The following ADGRA3 variants were observed in gnomAD, a reference collection of about 807,000 sequenced individuals.
ADGRA3 encodes adhesion G protein-coupled receptor A3.
Under a neutral mutation model 119.8 loss-of-function variants are expected in ADGRA3, and 56 were observed. The observed-to-expected ratio is 0.47, with a 90% confidence interval of 0.38 to 0.58. ADGRA3 has a LOEUF of 0.58. Among genes scored for constraint, ADGRA3 ranks in the 20% least tolerant of loss-of-function variants. ADGRA3 has a pLI of 0.00. For synonymous variants in ADGRA3, 607 were observed against 623.8 expected (o/e 0.97, Z 0.40); for missense variants, 1,516 against 1,649.0 (o/e 0.92, Z 1.40).
Position 22,513,011 on chromosome 4 carries a change from T to C in ADGRA3, c.257+2517A>G, listed in dbSNP as rs534011991. On this transcript the variant is annotated intron_variant, in intron 1 of 18. Coordinates refer to ENST00000334304, the MANE Select transcript of ADGRA3 (RefSeq NM_145290.4). ...GTGGACTCTGATGCTACTATGAGAA[T>C]TCTGGTGAGCAAGTCCCTTATCTAC... is the stretch of plus-strand genomic sequence containing the variant. 2.9e-4 allele frequency among the ~76,000 whole-genome samples: 44 copies of C among 152,284 alleles called. No homozygotes were observed. In the South Asian group the frequency reaches 8.5e-3, roughly 29 times the overall value.
chr4:22,388,893 G>T lies in ADGRA3; in HGVS notation c.2778C>A (p.Phe926Leu). ...SLGAFYGPAS[F>L]ITFVNCMYFL... The stretch of plus-strand genomic sequence containing the variant: ...AGTACATGCAGTTTACAAAAGTGAT[G>T]AAGCTGGCTGGCCCATAGAAGGCTC... The change falls in exon 19 of 19, where the codon TTC (phenylalanine) becomes TTA (leucine). Residue 926 changes from phenylalanine (F) to leucine (L), a missense_variant. Transcript: ENST00000334304. The T allele has an allele frequency of 6.2e-7, 1 of 1,614,090 alleles. No homozygotes were observed. The highest frequency in any genetic ancestry group is 8.5e-7 in the Non-Finnish European group (1 of 1,180,002).
chr4:22,480,890 T>G (rs1327873995), intron 1 of ADGRA3, among the ~76,000 whole-genome samples: 1 of 152,114 alleles, frequency 6.6e-6, no homozygotes, highest in East Asian at 1.9e-4. Flanking sequence ...TATTTAAAAT[T>G]TCCACTCTTT....
chr4:22,460,845 G>C (rs1474938415), intron 3 of ADGRA3, among the ~76,000 whole-genome samples: 1 of 152,212 alleles, frequency 6.6e-6, no homozygotes, highest in East Asian at 1.9e-4. Context: ...TTCCGAAGAA[G>C]TCAGGGCATG....
At chr4:22,414,043 T>C (rs1715332483) in intron 12 of ADGRA3, 2 of 384,460 alleles carry the variant, frequency 5.2e-6, no homozygotes, top group South Asian at 1.0e-4. Flanking sequence ...AAGAGTTAAA[T>C]AAGTAAACAA....
chr4:22,397,093 G>C (rs1714386835), intron 16 of ADGRA3, among the ~76,000 whole-genome samples: 1 of 151,072 alleles, frequency 6.6e-6, no homozygotes, highest in Non-Finnish European at 1.5e-5. Context: ...CATTCACCCA[G>C]TAAACATTTG....
chr4:22,399,836 A>G (rs1714538202), intron 16 of ADGRA3, among the ~76,000 whole-genome samples: 1 of 152,140 alleles, frequency 6.6e-6, no homozygotes, highest in African/African-American at 2.4e-5. Context: ...TTTAAAAATC[A>G]TCTTATTGAG....
intron 10 of ADGRA3, among the ~76,000 whole-genome samples, chr4:22,425,213 C>T (rs572057144): frequency 2.0e-5 from 3 of 152,252 alleles, no homozygotes; most frequent in South Asian, 2.1e-4. Context: ...CCCTTGCACA[C>T]GTGGTTTCCT....
chr4:22,407,331 T>C (rs1245978402), intron 14 of ADGRA3, among the ~76,000 whole-genome samples: 2 of 152,132 alleles, frequency 1.3e-5, no homozygotes, highest in African/African-American at 4.8e-5. Flanking sequence ...ACCAGGATAG[T>C]AAACAAGTTA....
chr4:22,481,180 A>G (rs1471784475), intron 1 of ADGRA3, among the ~76,000 whole-genome samples: 1 of 152,224 alleles, frequency 6.6e-6, no homozygotes, highest in African/African-American at 2.4e-5. Context: ...AGTACAAGAA[A>G]AAGAGATAAG....
intron 1 of ADGRA3, among the ~76,000 whole-genome samples, chr4:22,513,912 A>G (rs1310561798): frequency 6.7e-6 from 1 of 150,298 alleles, no homozygotes; most frequent in African/African-American, 2.5e-5. Flanking sequence ...CTTATATTTT[A>G]ACCAGTTTCT....
chr4:22,468,885 A>G (rs547114486), intron 2 of ADGRA3, among the ~76,000 whole-genome samples: 1 of 152,266 alleles, frequency 6.6e-6, no homozygotes, highest in South Asian at 2.1e-4. Context: ...AAAGGTATCT[A>G]TCAAAAAACC....
Position 22,431,628 on chromosome 4 carries a change from G to C in ADGRA3, c.1443+3683C>G, listed in dbSNP as rs1716174270. On this transcript the variant is annotated intron_variant, in intron 10 of 18. Transcript: ENST00000334304. ...CTGCTGCCATGTAAGACATGACTTT[G>C]CTCCTCCTTTGCCTTCTGCCATGAT... Among the ~76,000 whole-genome samples the C allele has an allele frequency of 1.3e-5, 2 of 152,122 alleles. 1 individual carries two copies. Among genetic ancestry groups the C allele is most frequent in the South Asian group, 4.1e-4 (2 of 4,824 alleles).
intron 1 of ADGRA3, among the ~76,000 whole-genome samples, chr4:22,496,391 A>G (rs1718826407): frequency 6.6e-6 from 1 of 152,188 alleles, no homozygotes; most frequent in Non-Finnish European, 1.5e-5. Context: ...CCAACACAAC[A>G]TTTAAAACAC....
At chr4:22,432,286 TG>T (rs1553875493) in intron 10 of ADGRA3, among the ~76,000 whole-genome samples, 3 of 152,010 alleles carry the variant, frequency 2.0e-5, no homozygotes, top group Non-Finnish European at 4.4e-5. Context: ...AAATGGCAAC[TG>T]GGAATGGCAG....
intron 2 of ADGRA3, among the ~76,000 whole-genome samples, chr4:22,465,583 C>A (rs984309757): frequency 2.6e-5 from 4 of 152,152 alleles, no homozygotes; most frequent in African/African-American, 9.7e-5. Flanking sequence ...ATGCACAAAC[C>A]AGTAAATATA....
intron 1 of ADGRA3, among the ~76,000 whole-genome samples, chr4:22,499,767 T>C (rs1171366616): frequency 2.0e-5 from 3 of 152,174 alleles, no homozygotes; most frequent in African/African-American, 4.8e-5. Flanking sequence ...ATAAATGCCA[T>C]TGGTCATTTC....
At chr4:22,413,972 C>A (rs547287608) in intron 12 of ADGRA3, 158 bp from the exon 13 acceptor site, 3 of 535,602 alleles carry the variant, frequency 5.6e-6, no homozygotes, top group South Asian at 2.8e-5. Context: ...ATCAGTCAAG[C>A]GAAATGTCAA....
intron 14 of ADGRA3, among the ~76,000 whole-genome samples, chr4:22,407,713 A>G (rs995556745): frequency 6.6e-6 from 1 of 152,234 alleles, no homozygotes; most frequent in Non-Finnish European, 1.5e-5. Flanking sequence ...GTGTTAAAAA[A>G]TCACAAAGAT....
chr4:22,426,483 T>C (rs1337006356), intron 10 of ADGRA3, among the ~76,000 whole-genome samples: 2 of 152,244 alleles, frequency 1.3e-5, no homozygotes, highest in Non-Finnish European at 2.9e-5. Flanking sequence ...TCATGATTAC[T>C]GTTCACTGAC....
Sources: allele counts gnomAD v4.1 joint callset (sites outside exome capture counted in the v4.1 genomes callset), GRCh38; gene constraint gnomAD v4.1.1; transcripts MANE v1.5; gene names NCBI Gene and HGNC (gene_info 2026-07-23, HGNC 2026-07-21).